COL4A5: variants seen among roughly 807,000 people sequenced by gnomAD.
COL4A5 encodes collagen type IV alpha 5 chain, also known as collagen alpha-5(IV) chain.
In COL4A5, 26 loss-of-function variants were observed where a neutral mutation model predicts 130.2. That is an observed-to-expected ratio of 0.20 (90% CI 0.15 to 0.28). The LOEUF is 0.28. Among genes scored for constraint, COL4A5 ranks in the 10% least tolerant of loss-of-function variants. The pLI is 1.00. For synonymous variants in COL4A5, 496 were observed against 439.6 expected (o/e 1.13, Z -1.60); for missense variants, 1,131 against 1,344.3 (o/e 0.84, Z 2.48).
At chrX:108,582,734 A>T in intron 16 of COL4A5, 150 bp from the exon 17 acceptor site, 1 of 407,223 alleles carries the variant, frequency 2.5e-6, no homozygotes. Context: ...CACTCCTTGA[A>T]TTGCTGCAAG....
intron 1 of COL4A5, among the ~76,000 whole-genome samples, chrX:108,458,274 G>C (rs2147484055): frequency 9.0e-6 from 1 of 111,663 alleles, no homozygotes; most frequent in Non-Finnish European, 1.9e-5. Context: ...TATCCCATGT[G>C]TTTAGTTCCA....
chrX:108,585,977 G>T (rs1285906042), intron 18 of COL4A5, among the ~76,000 whole-genome samples: 1 of 111,233 alleles, frequency 9.0e-6, no homozygotes, highest in Non-Finnish European at 1.9e-5. Context: ...AGACAAGAAC[G>T]TGCAAGTTGA....
intron 1 of COL4A5, among the ~76,000 whole-genome samples, chrX:108,491,212 G>A (rs1159718049): frequency 9.0e-6 from 1 of 111,093 alleles, no homozygotes; most frequent in African/African-American, 3.3e-5. Flanking sequence ...TTATGATATG[G>A]AAGGGGAAAC....
At chrX:108,547,721 GGCAGGCAGGC>G (rs2147689503) in intron 2 of COL4A5, among the ~76,000 whole-genome samples, 1 of 112,075 alleles carries the variant, frequency 8.9e-6, no homozygotes, top group African/African-American at 3.2e-5. Context: ...AGTCTACAGA[GGCAGGCAGGC>G]CTCTTTGAGG....
chrX:108,518,810 G>A lies in COL4A5; in HGVS notation c.82-20936G>A, dbSNP rs993737893. 2.7e-5 allele frequency among the ~76,000 whole-genome samples: 3 copies of A among 111,133 alleles called. No individual in the cohort carries two copies. In the Admixed American group the frequency reaches 2.9e-4, roughly 11 times the overall value. ...TGGCAGATGCTGTTCTGGTTAAAAG[G>A]CTTTCCAACTGATTAACGTGTTCAT... On this transcript the variant is annotated intron_variant, in intron 1 of 52. Transcript: ENST00000328300.
At chrX:108,572,543 T>C (rs2066081093) in intron 8 of COL4A5, among the ~76,000 whole-genome samples, 1 of 111,507 alleles carries the variant, frequency 9.0e-6, no homozygotes. Flanking sequence ...CACCACCTCA[T>C]TCAATTCCAT....
intron 19 of COL4A5, among the ~76,000 whole-genome samples, chrX:108,589,967 G>A (rs756817618): frequency 9.0e-6 from 1 of 111,056 alleles, no homozygotes; most frequent in Non-Finnish European, 1.9e-5. Flanking sequence ...TTAAAAACTG[G>A]GCAAAAGACA....
chrX:108,628,846 T>TAC (rs1281331360), intron 36 of COL4A5, among the ~76,000 whole-genome samples: 1 of 111,936 alleles, frequency 8.9e-6, no homozygotes, highest in Non-Finnish European at 1.9e-5. Context: ...GTGCTGGAGA[T>TAC]ACAGCCTGAA....
At chrX:108,606,495 C>A (rs1479353854) in intron 28 of COL4A5, among the ~76,000 whole-genome samples, 1 of 109,263 alleles carries the variant, frequency 9.2e-6, no homozygotes, top group Admixed American at 9.7e-5. Context: ...CTCATGCTCT[C>A]TCAGTTTTTT....
intron 1 of COL4A5, among the ~76,000 whole-genome samples, chrX:108,510,638 C>G (rs1415726408): frequency 9.0e-6 from 1 of 111,181 alleles, no homozygotes; most frequent in East Asian, 2.8e-4. Context: ...GGAATTAGAA[C>G]AGAGAGAAAA....
chrX:108,674,760 C>A lies in COL4A5; in HGVS notation c.3808+7C>A. 1 of 1,174,646 alleles carries A rather than the reference C, an allele frequency of 8.5e-7. No individual in the cohort carries two copies. On this transcript the variant is annotated splice_region_variant and intron_variant, in intron 43 of 52. Coordinates refer to ENST00000328300, the MANE Select transcript of COL4A5 (RefSeq NM_033380.3). ...ATCTTCCCAGGTTTTCAAGGTTAGA[C>A]TCTTCACTGGTCAATTCTTTTTTTT...
chrX:108,440,636 A>T (rs1229368007), intron 1 of COL4A5: 1 of 143,276 alleles, frequency 7.0e-6, no homozygotes, highest in Non-Finnish European at 1.4e-5. Flanking sequence ...TGGCTCTTCG[A>T]AAATCCAGCT....
intron 1 of COL4A5, among the ~76,000 whole-genome samples, chrX:108,470,832 G>A (rs966859741): frequency 9.0e-6 from 1 of 111,627 alleles, no homozygotes; most frequent in African/African-American, 3.3e-5. Context: ...TATGGTGAGA[G>A]GTAGGGATTG....
rs751556352 is a variant in COL4A5 at position 108,543,693 on chromosome X, T to G, written c.141+3888T>G. 3.1e-3 allele frequency among the ~76,000 whole-genome samples: 344 copies of G among 111,979 alleles called. 1 individual carries two copies. Among genetic ancestry groups the G allele is most frequent in the African/African-American group, 0.011 (333 of 30,794 alleles). On this transcript the variant is annotated intron_variant, in intron 2 of 52. Transcript: ENST00000328300. ...GATGGCATTGAATCTATAAATTACC[T>G]TGGGCAGTATGGCCATTTTCACGAT...
chrX:108,482,065 G>A (rs564369635), intron 1 of COL4A5, among the ~76,000 whole-genome samples: 1 of 111,086 alleles, frequency 9.0e-6, no homozygotes, highest in African/African-American at 3.3e-5. Context: ...TTAACTCCCC[G>A]AGCTGAAACA....
intron 47 of COL4A5, among the ~76,000 whole-genome samples, chrX:108,684,072 CA>C (rs1193260319): frequency 9.0e-6 from 1 of 111,414 alleles, no homozygotes; most frequent in East Asian, 2.8e-4. Flanking sequence ...CCAATGAGAA[CA>C]AAGACACAAT....
intron 29 of COL4A5, among the ~76,000 whole-genome samples, chrX:108,612,592 A>C (rs1172663813): frequency 8.9e-6 from 1 of 111,937 alleles, no homozygotes; most frequent in African/African-American, 3.2e-5. Context: ...GCATAGGTCC[A>C]ACAAAAATGT....
intron 4 of COL4A5, among the ~76,000 whole-genome samples, 161 bp from the exon 5 acceptor site, chrX:108,568,468 G>T (rs966991654): frequency 5.4e-5 from 6 of 111,720 alleles, no homozygotes; most frequent in African/African-American, 2.0e-4. Context: ...ACATGTAAGA[G>T]ATTTTTCTCT....
chrX:108,520,231 G>A (rs2065252870), intron 1 of COL4A5, among the ~76,000 whole-genome samples: 1 of 111,127 alleles, frequency 9.0e-6, no homozygotes, highest in Non-Finnish European at 1.9e-5. Flanking sequence ...TTTTGTTCTA[G>A]CTTAATTACA....
Sources: gnomAD v4.1 joint callset for allele counts (sites outside exome capture counted in the v4.1 genomes callset) on GRCh38, gnomAD v4.1.1 for gene constraint, MANE v1.5 for transcripts, NCBI Gene and HGNC (gene_info 2026-07-23, HGNC 2026-07-21) for gene names.